Variants in BICRAL observed in about 807,000 individuals in gnomAD.
BICRAL encodes BICRA like chromatin remodeling complex associated protein.
Under a neutral mutation model 91.8 loss-of-function variants are expected in BICRAL, and 8 were observed. The observed-to-expected ratio is 0.09, with a 90% confidence interval of 0.05 to 0.16. The LOEUF is 0.16. Among genes scored for constraint, BICRAL ranks in the 10% least tolerant of loss-of-function variants. The pLI is 1.00. For missense variants in BICRAL, 1,038 were observed against 1,310.9 expected, an observed-to-expected ratio of 0.79 and a Z score of 3.21; for synonymous variants, 445 against 491.1, an observed-to-expected ratio of 0.91 and a Z score of 1.24.
chr6:42,783,153 G>C (rs1762978931), intron 1 of BICRAL, among the ~76,000 whole-genome samples: 1 of 144,818 alleles, frequency 6.9e-6, no homozygotes, highest in African/African-American at 2.6e-5. Context: ...CCCGCTCCGA[G>C]CCCGCGGCGG....
chr6:42,817,146 ATATG>A lies in BICRAL; in HGVS notation c.-5-4870_-5-4867del, dbSNP rs1199896861. On this transcript the variant is annotated intron_variant, in intron 2 of 12. Transcript: ENST00000314073. ...ATACATTTACACACACACATCATTT[ATATG>A]TGTGTGTGTGTGTGTGTGTGTGTAT... Among the ~76,000 whole-genome samples, 494 of 121,984 alleles carry A rather than the reference ATATG, an allele frequency of 4.0e-3. 2 individuals carry two copies. Among genetic ancestry groups the A allele is most frequent in the African/African-American group, 0.017 (465 of 27,470 alleles). 80.0% of individuals were successfully genotyped at this position (121,984 alleles called of 152,430 possible).
At chr6:42,815,123 G>C (rs1230274373) in intron 2 of BICRAL, among the ~76,000 whole-genome samples, 1 of 151,232 alleles carries the variant, frequency 6.6e-6, no homozygotes, top group African/African-American at 2.4e-5. Flanking sequence ...ATGTTGGCCA[G>C]GCTGTTTTAT....
chr6:42,781,568 G>A (rs1245205091), upstream of BICRAL, among the ~76,000 whole-genome samples: 1 of 111,728 alleles, frequency 9.0e-6, no homozygotes, highest in African/African-American at 3.3e-5. Flanking sequence ...CCCCCTTCCC[G>A]TGTCAAGTTA....
chr6:42,865,013 G>T lies in BICRAL; in HGVS notation c.2807G>T (p.Gly936Val). The T allele has an allele frequency of 6.2e-7, 1 of 1,614,040 alleles. No homozygotes were observed. Among genetic ancestry groups the T allele is most frequent in the Non-Finnish European group, 8.5e-7 (1 of 1,180,046 alleles). Reference sequence around the variant, plus strand: ...CTGAAGGCCAGTCAGTGCTCTCCCGGCCCTGAGGGGCACCGGAAAACCTCA... The same window carrying T: ...CTGAAGGCCAGTCAGTGCTCTCCCGTCCCTGAGGGGCACCGGAAAACCTCA... The part of the protein sequence containing the change: ...EPLKASQCSP[G>V]PEGHRKTSSR... Residue 936 changes from glycine to valine, a missense_variant, in exon 13 of 13, where the codon GGC becomes GTC. By Grantham distance (109) the Gly-to-Val change is moderately radical. Coordinates refer to ENST00000314073, the MANE Select transcript of BICRAL (RefSeq NM_001393499.1).
intron 1 of BICRAL, among the ~76,000 whole-genome samples, chr6:42,807,595 G>A (rs1216652533): frequency 6.6e-6 from 1 of 151,420 alleles, no homozygotes; most frequent in Non-Finnish European, 1.5e-5. Context: ...GATCCCTGAG[G>A]TCAAGTGATT....
In BICRAL at chr6:42,856,000, G is replaced by A; in HGVS notation, c.2108+83G>A. On this transcript the variant is annotated intron_variant, in intron 9 of 12. Transcript: ENST00000314073. The stretch of plus-strand genomic sequence containing the variant: ...TTCAATAAATATACCACAGAAAACA[G>A]GTTATAATAATGAGTATATTAGCCT... The A allele has an allele frequency of 4.5e-6, 5 of 1,113,072 alleles. No homozygotes were observed. The South Asian group carries it at 5.0e-5, about 11-fold the overall frequency. 68.9% of individuals were successfully genotyped at this position (1,113,072 alleles called of 1,614,324 possible). A position where few individuals can be genotyped will look rare whatever the true frequency, so the allele number is the denominator to read the frequency against.
intron 1 of BICRAL, among the ~76,000 whole-genome samples, chr6:42,784,246 A>G (rs895452616): frequency 1.3e-5 from 2 of 152,244 alleles, no homozygotes; most frequent in Non-Finnish European, 2.9e-5. Flanking sequence ...CTAAAAAGCA[A>G]AACTGCATTA....
intron 2 of BICRAL, among the ~76,000 whole-genome samples, chr6:42,814,499 G>GTGTATATATATATATATATATA (rs374054837): frequency 1.6e-5 from 1 of 61,268 alleles, no homozygotes; most frequent in African/African-American, 7.9e-5. Flanking sequence ...GTGTGTGTGT[G>GTGTATATATATATATATATATA]TATATATATA....
intron 10 of BICRAL, 106 bp downstream of exon 10, chr6:42,857,342 A>G (rs1294569467): frequency 1.1e-5 from 10 of 882,020 alleles, no homozygotes; most frequent in Non-Finnish European, 1.8e-5. Flanking sequence ...TAGGCAGGTT[A>G]TTGTTTTTAA....
At chr6:42,842,917 A>G (rs1420543013) in intron 6 of BICRAL, among the ~76,000 whole-genome samples, 1 of 150,922 alleles carries the variant, frequency 6.6e-6, no homozygotes, top group Non-Finnish European at 1.5e-5. Context: ...GCAGTGGCAC[A>G]GTCTTGGCTC....
intron 1 of BICRAL, among the ~76,000 whole-genome samples, chr6:42,773,801 C>G (rs1762775239): frequency 6.6e-6 from 1 of 152,254 alleles, no homozygotes; most frequent in African/African-American, 2.4e-5. Context: ...CAGGCGTGAG[C>G]CACCACGCCC....
At chr6:42,834,205 T>A (rs997679532) in intron 6 of BICRAL, among the ~76,000 whole-genome samples, 3 of 152,218 alleles carry the variant, frequency 2.0e-5, no homozygotes, top group Admixed American at 6.5e-5. Flanking sequence ...ATGATTAGAT[T>A]CAGTACATTT....
At chr6:42,842,329 A>G (rs1764823341) in intron 6 of BICRAL, among the ~76,000 whole-genome samples, 1 of 152,230 alleles carries the variant, frequency 6.6e-6, no homozygotes, top group African/African-American at 2.4e-5. Context: ...TGCAACAATT[A>G]TCTAGGTGAT....
intron 1 of BICRAL, among the ~76,000 whole-genome samples, chr6:42,798,416 G>T (rs1361690214): frequency 6.6e-6 from 1 of 152,134 alleles, no homozygotes; most frequent in Non-Finnish European, 1.5e-5. Flanking sequence ...AAAAAGGTGG[G>T]CCGGGCATGG....
At chr6:42,763,849 A>C (rs74614533) in intron 1 of BICRAL, among the ~76,000 whole-genome samples, 10,611 of 151,430 alleles carry the variant, frequency 0.07, 418 homozygotes, top group South Asian at 0.13. Flanking sequence ...AACAAAAAAA[A>C]CGAGCGTTTT....
At chr6:42,750,216 A>T (rs1000542640) in intron 1 of BICRAL, among the ~76,000 whole-genome samples, 1 of 151,748 alleles carries the variant, frequency 6.6e-6, no homozygotes, top group Non-Finnish European at 1.5e-5. Flanking sequence ...GCTAAAGTGC[A>T]GTGGTGCAAT....
At chr6:42,815,288 C>T (rs1763959863) in intron 2 of BICRAL, among the ~76,000 whole-genome samples, 1 of 147,960 alleles carries the variant, frequency 6.8e-6, no homozygotes, top group African/African-American at 2.5e-5. Context: ...CTCCTGGGAT[C>T]AGGCAATTCT....
At chr6:42,819,059 T>C (rs1312609099) in intron 2 of BICRAL, among the ~76,000 whole-genome samples, 1 of 152,096 alleles carries the variant, frequency 6.6e-6, no homozygotes, top group Non-Finnish European at 1.5e-5. Flanking sequence ...GGCCAAGAAA[T>C]AGTTTCCAAT....
chr6:42,766,037 A>G (rs1762628688), intron 1 of BICRAL, among the ~76,000 whole-genome samples: 1 of 152,088 alleles, frequency 6.6e-6, no homozygotes, highest in Admixed American at 6.6e-5. Context: ...TATTTCTGGT[A>G]GAGACAGGAT....
Sources: gnomAD v4.1 joint callset for allele counts (sites outside exome capture counted in the v4.1 genomes callset) on GRCh38, gnomAD v4.1.1 for gene constraint, MANE v1.5 for transcripts, NCBI Gene and HGNC (gene_info 2026-07-23, HGNC 2026-07-21) for gene names.